HK1: variants seen among roughly 807,000 people sequenced by gnomAD.
The protein encoded by HK1 is hexokinase 1, also known as hexokinase-1.
HK1 carries 28 observed loss-of-function variants against 91.6 expected under a neutral mutation model. The observed-to-expected ratio is 0.31, with a 90% CI of 0.23 to 0.42. The LOEUF is 0.42. Among genes scored for constraint, HK1 ranks in the 10% least tolerant of loss-of-function variants. HK1 has a pLI of 1.00. For synonymous variants in HK1, 430 were observed against 468.1 expected (o/e 0.92, Z 1.05); for missense variants, 770 against 1,219.8 (o/e 0.63, Z 5.49).
Position 69,344,008 on chromosome 10 carries a change from G to A in HK1, c.226+19G>A, listed in dbSNP as rs1409377470. 6.2e-7 allele frequency: 1 copy of A among 1,613,104 alleles called. No homozygotes were observed. Among genetic ancestry groups the A allele is most frequent in the African/African-American group, 1.3e-5 (1 of 75,004 alleles). ...GGCTCTGGTAAGTCTGTCACCCAGAGATTGAACCCTGAGGGCTAAATGTTC... is the reference window on the plus strand; with the variant it reads ...GGCTCTGGTAAGTCTGTCACCCAGAAATTGAACCCTGAGGGCTAAATGTTC... On this transcript the variant is annotated intron_variant, in intron 2 of 17. Transcript: ENST00000359426.
chr10:69,341,273 C>T (rs1335065940), intron 1 of HK1, among the ~76,000 whole-genome samples: 2 of 151,848 alleles, frequency 1.3e-5, no homozygotes, highest in African/African-American at 4.8e-5. Context: ...GCAATCCTCC[C>T]GCCTCAGTCT....
intron 2 of HK1, among the ~76,000 whole-genome samples, chr10:69,356,810 G>C (rs191383755): frequency 5.3e-4 from 77 of 145,902 alleles, no homozygotes; most frequent in African/African-American, 2.0e-3. Flanking sequence ...TTGAACCCGG[G>C]AAGCAGAGGT....
intron 4 of HK1, among the ~76,000 whole-genome samples, chr10:69,297,976 C>T (rs545107092): frequency 1.3e-5 from 2 of 151,322 alleles, no homozygotes; most frequent in South Asian, 4.2e-4. Context: ...TTTGGGAGGC[C>T]GAGGCAGATG....
chr10:69,342,049 G>A (rs1351521843), intron 1 of HK1, among the ~76,000 whole-genome samples: 2 of 152,132 alleles, frequency 1.3e-5, no homozygotes, highest in African/African-American at 2.4e-5. Context: ...TCAGGAGGCT[G>A]AGGCAGGAGA....
chr10:69,332,882 G>C (rs1847807115), intron 1 of HK1, among the ~76,000 whole-genome samples: 1 of 152,128 alleles, frequency 6.6e-6, no homozygotes. Flanking sequence ...CTGGCTAACA[G>C]AGTAGGCAGA....
At position 69,301,584 on chromosome 10, in the gene HK1, A is replaced by G. The variant is rs868725618; in HGVS notation, c.27+723A>G. ...GTGAGACTCTGTCTCAAAAAAAAAA[A>G]AAAAAAAAAAAGAAAAGAAAACAAT... is the stretch of plus-strand genomic sequence containing the variant. On this transcript the variant is annotated intron_variant, in intron 5 of 21. Transcript: ENST00000360289. Among the ~76,000 whole-genome samples the G allele has an allele frequency of 9.2e-4, 139 of 151,266 alleles. No homozygotes were observed. The Middle Eastern group carries it at 0.01, about 11-fold the overall frequency.
upstream of HK1, among the ~76,000 whole-genome samples, chr10:69,317,380 C>G (rs1846703496): frequency 6.6e-6 from 1 of 152,162 alleles, no homozygotes; most frequent in South Asian, 2.1e-4. Flanking sequence ...GGGACTGTGA[C>G]CTGGACAGGA....
upstream of HK1, chr10:69,315,916 G>T (rs1250894051): frequency 1.9e-6 from 3 of 1,608,764 alleles, no homozygotes; most frequent in Admixed American, 1.7e-5. Context: ...GGCATCCCAG[G>T]TTCCTGCCCT....
exon 5 of HK1, chr10:69,300,842 A>G: frequency 1.2e-6 from 2 of 1,601,558 alleles, no homozygotes; most frequent in Non-Finnish European, 1.7e-6. Flanking sequence ...AAGATGGCAA[A>G]AAGAGCCCTG....
At chr10:69,336,885 T>C (rs1373243037) in intron 1 of HK1, among the ~76,000 whole-genome samples, 1 of 151,984 alleles carries the variant, frequency 6.6e-6, no homozygotes, top group Non-Finnish European at 1.5e-5. Context: ...TCTCAAGTGA[T>C]CCACCCGCCT....
Position 69,364,865 on chromosome 10 carries a change from C to T in HK1, c.458C>T (p.Thr153Met). The T allele has an allele frequency of 6.2e-7, 1 of 1,614,072 alleles. No individual in the cohort carries two copies. Among genetic ancestry groups the T allele is most frequent in the Non-Finnish European group, 8.5e-7 (1 of 1,179,984 alleles). The part of the protein sequence containing the change: ...IKDKKLPVGF[T>M]FSFPCQQSKI... ...GACAAGAAGTTACCTGTGGGATTCA[C>T]GTTTTCTTTTCCTTGCCAACAATCC... Residue 153 changes from threonine to methionine, a missense_variant, in exon 4 of 18, where the codon ACG (threonine) becomes ATG (methionine). This residue lies in a region of HK1 where 449 missense variants were observed against 665.1 expected (regional missense o/e 0.68). Coordinates refer to ENST00000359426, the MANE Select transcript of HK1 (RefSeq NM_000188.3).
intron 1 of HK1, among the ~76,000 whole-genome samples, chr10:69,332,223 G>A (rs559217435): frequency 6.6e-4 from 100 of 152,188 alleles, no homozygotes; most frequent in African/African-American, 2.3e-3. Flanking sequence ...TAAAGCAGTG[G>A]GTTTCTGGGC....
At chr10:69,297,139 A>G (rs993833241) in intron 4 of HK1, among the ~76,000 whole-genome samples, 1 of 152,250 alleles carries the variant, frequency 6.6e-6, no homozygotes, top group African/African-American at 2.4e-5. Flanking sequence ...TACTGATAAC[A>G]TAAAGTCAAT....
At chr10:69,284,482 C>G (rs2040733118) in intron 2 of HK1, among the ~76,000 whole-genome samples, 1 of 151,886 alleles carries the variant, frequency 6.6e-6, no homozygotes, top group Non-Finnish European at 1.5e-5. Context: ...AAGGCTAAAA[C>G]TATGTAAAAA....
intron 5 of HK1, among the ~76,000 whole-genome samples, chr10:69,301,798 A>T (rs1008039798): frequency 6.6e-6 from 1 of 152,202 alleles, no homozygotes; most frequent in African/African-American, 2.4e-5. Flanking sequence ...AAATTAATAT[A>T]TAGATTCAAC....
intron 2 of HK1, among the ~76,000 whole-genome samples, chr10:69,351,250 A>G (rs35233497): frequency 0.13 from 20,241 of 150,242 alleles, 1,537 homozygotes; most frequent in South Asian, 0.27. Flanking sequence ...GCTCACGCCT[A>G]TAATCCCAGC....
rs1400148481 is a variant in HK1 at position 69,356,409 on chromosome 10, G to A, written c.227-3488G>A. Among the ~76,000 whole-genome samples, 5 of 152,128 alleles carry A rather than the reference G, an allele frequency of 3.3e-5. No individual in the cohort carries two copies. The East Asian group carries it at 5.8e-4, about 18-fold the overall frequency. On this transcript the variant is annotated intron_variant, in intron 2 of 17. Coordinates refer to ENST00000359426, the MANE Select transcript of HK1 (RefSeq NM_000188.3). ...ATTGCACCATTGTACTCCAGCCTGGGCAACAGAGCAAGACCCTGTCTCAAA... is the reference window on the plus strand; with the variant it reads ...ATTGCACCATTGTACTCCAGCCTGGACAACAGAGCAAGACCCTGTCTCAAA...
intron 7 of HK1, among the ~76,000 whole-genome samples, chr10:69,376,725 G>T (rs1280239995): frequency 6.6e-6 from 1 of 152,058 alleles, no homozygotes; most frequent in African/African-American, 2.4e-5. Context: ...ATGGGGTCTG[G>T]ATGACTCCTG....
intron 7 of HK1, among the ~76,000 whole-genome samples, chr10:69,375,196 G>T (rs1839028709): frequency 6.6e-6 from 1 of 152,188 alleles, no homozygotes; most frequent in Non-Finnish European, 1.5e-5. Flanking sequence ...CAGGTAAAGT[G>T]CTGGGAAAAG....
Sources: allele counts gnomAD v4.1 joint callset (sites outside exome capture counted in the v4.1 genomes callset), GRCh38; gene constraint gnomAD v4.1.1; regional missense constraint gnomAD v4.1.1; transcripts MANE v1.5; gene names NCBI Gene and HGNC (gene_info 2026-07-23, HGNC 2026-07-21).